Variants in MCTP1 observed in about 807,000 individuals in gnomAD.
MCTP1 encodes multiple C2 and transmembrane domain containing 1.
MCTP1 carries 69 observed loss-of-function variants against 120.6 expected under a neutral mutation model. The observed-to-expected ratio is 0.57, with a 90% CI of 0.47 to 0.70. The LOEUF (loss-of-function observed/expected upper bound fraction) is 0.70, where lower values mean the gene tolerates loss of function less well. Among genes scored for constraint, MCTP1 ranks in the 30% least tolerant of loss-of-function variants. The pLI is 0.00. For synonymous variants in MCTP1, 529 were observed against 493.1 expected, an observed-to-expected ratio of 1.07 and a Z score of -0.96; for missense variants, 1,203 against 1,248.8, an observed-to-expected ratio of 0.96 and a Z score of 0.55.
chr5:94,951,690 C>G (rs899447419), intron 3 of MCTP1, among the ~76,000 whole-genome samples: 7 of 152,102 alleles, frequency 4.6e-5, no homozygotes, highest in Admixed American at 2.0e-4. Context: ...CCTATCTCAG[C>G]TCTTTATTAC....
rs1200351827 is a variant in MCTP1, at chr5:94,912,989, G to A, written c.1351-13C>T. 6.3e-7 allele frequency: 1 copy of A among 1,583,072 alleles called. No homozygotes were observed. The highest frequency in any genetic ancestry group is 1.8e-5 in the Admixed American group (1 of 54,756). ...TTTGGGTCTGAAACTTTTGGCAAAT[G>A]AAAATTGAGTTAGGTTACTGTGTTT... On this transcript the variant is annotated splice_polypyrimidine_tract_variant and intron_variant, in intron 8 of 22. Transcript: ENST00000515393.
chr5:94,826,466 C>T, intron 17 of MCTP1: 1 of 688,858 alleles, frequency 1.5e-6, no homozygotes, highest in Non-Finnish European at 2.7e-6. Context: ...AAGTGGCCAG[C>T]TTTTCTTGTC....
At chr5:94,786,163 C>T (rs1283888529) in intron 18 of MCTP1, among the ~76,000 whole-genome samples, 3 of 152,108 alleles carry the variant, frequency 2.0e-5, no homozygotes, top group Non-Finnish European at 4.4e-5. Context: ...TACAGCAGCT[C>T]CCTATTTTAA....
intron 1 of MCTP1, among the ~76,000 whole-genome samples, chr5:95,263,504 A>G (rs1287663812): frequency 1.3e-5 from 2 of 152,102 alleles, no homozygotes; most frequent in Admixed American, 6.6e-5. Flanking sequence ...AATCACTCTC[A>G]CCCACGCCCA....
intron 1 of MCTP1, among the ~76,000 whole-genome samples, chr5:95,231,516 C>A (rs1309250123): frequency 6.6e-6 from 1 of 152,004 alleles, no homozygotes; most frequent in African/African-American, 2.4e-5. Context: ...ACAGTAATAT[C>A]CAAAAAATAA....
At chr5:94,882,049 C>G (rs1275561901) in intron 12 of MCTP1, among the ~76,000 whole-genome samples, 1 of 152,076 alleles carries the variant, frequency 6.6e-6, no homozygotes, top group Non-Finnish European at 1.5e-5. Flanking sequence ...AAAGTCTTTT[C>G]TTTATTCTCT....
At chr5:94,853,463 G>A (rs148469833) in intron 17 of MCTP1, among the ~76,000 whole-genome samples, 11 of 152,092 alleles carry the variant, frequency 7.2e-5, no homozygotes, top group Middle Eastern at 3.4e-3. Context: ...TCAACTGTGT[G>A]TTTTTAAGCC....
chr5:94,809,629 C>T (rs995268474), intron 17 of MCTP1, among the ~76,000 whole-genome samples: 1 of 152,066 alleles, frequency 6.6e-6, no homozygotes, highest in Admixed American at 6.6e-5. Flanking sequence ...AGAAGTTCAG[C>T]TCATTCAAAA....
In MCTP1 at chr5:95,097,840, C is replaced by G. The variant is rs562586054; in HGVS notation, c.721-80356G>C. Among the ~76,000 whole-genome samples the G allele has an allele frequency of 5.2e-4, 79 of 152,212 alleles. 2 individuals carry two copies. The highest frequency in any genetic ancestry group is 5.0e-3 in the Admixed American group (76 of 15,284). On this transcript the variant is annotated intron_variant, in intron 1 of 22. Coordinates refer to ENST00000515393, the MANE Select transcript of MCTP1 (RefSeq NM_024717.7). ...CAGCATGATTCTTAGGTTTTTGGTC[C>G]AACAACTGGGGTCATGGTAGTTGTA...
At chr5:94,910,202 A>G (rs776566831) in intron 9 of MCTP1, among the ~76,000 whole-genome samples, 57 of 151,574 alleles carry the variant, frequency 3.8e-4, no homozygotes, top group Non-Finnish European at 7.2e-4. Context: ...ACATATATGT[A>G]TATATACATA....
At chr5:94,836,904 A>G (rs903685196) in intron 17 of MCTP1, among the ~76,000 whole-genome samples, 4 of 152,240 alleles carry the variant, frequency 2.6e-5, no homozygotes, top group Admixed American at 6.5e-5. Context: ...TCTGTTATAT[A>G]GAGGACCATT....
At chr5:95,142,812 A>G (rs143978997) in intron 1 of MCTP1, among the ~76,000 whole-genome samples, 1 of 152,284 alleles carries the variant, frequency 6.6e-6, no homozygotes, top group African/African-American at 2.4e-5. Flanking sequence ...TTATCCACTA[A>G]TAAATAAAAT....
intron 1 of MCTP1, among the ~76,000 whole-genome samples, chr5:95,046,273 A>C (rs1326819655): frequency 6.6e-6 from 1 of 152,180 alleles, no homozygotes; most frequent in Non-Finnish European, 1.5e-5. Flanking sequence ...TTAGCCACAC[A>C]TACAAGCCTT....
At chr5:95,209,649 G>A (rs554054998) in intron 1 of MCTP1, among the ~76,000 whole-genome samples, 5 of 152,184 alleles carry the variant, frequency 3.3e-5, no homozygotes, top group African/African-American at 1.2e-4. Flanking sequence ...TATATCTGGG[G>A]TTCACCAGTG....
chr5:94,800,153 C>A (rs1780905878), intron 17 of MCTP1, among the ~76,000 whole-genome samples: 1 of 152,168 alleles, frequency 6.6e-6, no homozygotes, highest in Admixed American at 6.5e-5. Context: ...GAATTAAACA[C>A]AATGCTTGGT....
Position 94,708,603 on chromosome 5 carries a change from T to C in MCTP1, c.2837A>G (p.Asn946Ser), listed in dbSNP as rs1184339665. ...ACTCCGAAGCTTTTTTGTAAATTTA[T>C]TGATGCCTGAAACAAAGTTGGAGTT... Reference protein sequence around the residue: ...LRYIVLVWGINKFTKKLRSPY... With the variant: ...LRYIVLVWGISKFTKKLRSPY... Residue 946 changes from asparagine to serine, a missense_variant, in exon 22 of 23, where the codon AAT becomes AGT. By Grantham distance (46) the Asn-to-Ser change is conservative (BLOSUM62 1). Transcript: ENST00000515393. The C allele has an allele frequency of 1.9e-6, 3 of 1,600,236 alleles. No individual in the cohort carries two copies. Among genetic ancestry groups the C allele is most frequent in the East Asian group, 2.2e-5 (1 of 44,724 alleles).
At chr5:95,228,011 T>C (rs1001308690) in intron 1 of MCTP1, among the ~76,000 whole-genome samples, 1 of 152,102 alleles carries the variant, frequency 6.6e-6, no homozygotes, top group Non-Finnish European at 1.5e-5. Flanking sequence ...TATCAGACAC[T>C]AGGATAAGCA....
At chr5:94,732,202 G>C (rs1294862323) in intron 19 of MCTP1, among the ~76,000 whole-genome samples, 1 of 152,206 alleles carries the variant, frequency 6.6e-6, no homozygotes, top group Non-Finnish European at 1.5e-5. Context: ...ATTCTGCTAG[G>C]ATACAGTGTG....
intron 10 of MCTP1, among the ~76,000 whole-genome samples, chr5:94,901,165 A>C (rs1232680431): frequency 6.6e-6 from 1 of 152,214 alleles, no homozygotes; most frequent in African/African-American, 2.4e-5. Flanking sequence ...GGGAGGCCTC[A>C]CAATCATGGC....
Sources: gnomAD v4.1 joint callset for allele counts (sites outside exome capture counted in the v4.1 genomes callset) on GRCh38, gnomAD v4.1.1 for gene constraint, MANE v1.5 for transcripts, NCBI Gene and HGNC (gene_info 2026-07-23, HGNC 2026-07-21) for gene names.